FRMPD4: variants seen among roughly 807,000 people sequenced by gnomAD.
The protein encoded by FRMPD4 is FERM and PDZ domain-containing protein 4.
Under a neutral mutation model 94.1 loss-of-function variants are expected in FRMPD4, and 22 were observed. The observed-to-expected ratio is 0.23, with a 90% confidence interval of 0.17 to 0.33. FRMPD4 has a LOEUF of 0.33. Among genes scored for constraint, FRMPD4 ranks in the 10% least tolerant of loss-of-function variants. The pLI, the probability that FRMPD4 is intolerant of heterozygous loss-of-function variation, is 1.00. For missense variants in FRMPD4, 1,111 were observed against 1,339.9 expected (o/e 0.83, Z 2.67); for synonymous variants, 631 against 548.6 (o/e 1.15, Z -2.10).
intron 3 of FRMPD4, among the ~76,000 whole-genome samples, chrX:12,133,023 T>C (rs1394224075): frequency 9.1e-6 from 1 of 109,691 alleles, no homozygotes; most frequent in East Asian, 2.9e-4. Context: ...TCCAACAGTT[T>C]GATTAAAAAA....
intron 1 of FRMPD4, among the ~76,000 whole-genome samples, chrX:12,433,120 A>C (rs1289847687): frequency 8.9e-6 from 1 of 112,484 alleles, no homozygotes; most frequent in Non-Finnish European, 1.9e-5. Context: ...ACGGTTGAGC[A>C]TTCTATCTAA....
intron 1 of FRMPD4, among the ~76,000 whole-genome samples, chrX:12,451,859 TTTA>T (rs1461183228): frequency 9.1e-6 from 1 of 110,251 alleles, no homozygotes; most frequent in Non-Finnish European, 1.9e-5. Flanking sequence ...CAATAGCTAC[TTTA>T]TTTTTTCTGA....
chrX:12,585,382 A>G (rs1290055392), intron 2 of FRMPD4, among the ~76,000 whole-genome samples: 1 of 110,114 alleles, frequency 9.1e-6, no homozygotes, highest in Non-Finnish European at 1.9e-5. Context: ...CACCACACCC[A>G]GCTAATTTTT....
Position 11,978,321 on chromosome X carries a change from C to CAAAAAAAAAAAAAAA in FRMPD4, c.95+100317_95+100331dup, listed in dbSNP as rs1172824155. On this transcript the variant is annotated intron_variant, in intron 3 of 18. Transcript: ENST00000640291. ...TGGATGACAGAGTGAAACTCCATCTCAAAAAAAAAAAAAAAAAAAAAAAAA... is the reference window on the plus strand; with the variant it reads ...TGGATGACAGAGTGAAACTCCATCTCAAAAAAAAAAAAAAAAAAAAAAAAAAAAAAAAAAAAAAAA... Among the ~76,000 whole-genome samples, 27 of 16,353 alleles carry CAAAAAAAAAAAAAAA rather than the reference C, an allele frequency of 1.7e-3. 3 individuals carry two copies. Among genetic ancestry groups the CAAAAAAAAAAAAAAA allele is most frequent in the East Asian group, 2.5e-3 (1 of 406 alleles). The allele number at this position is 16,353 out of a possible 115,157, so 14.2% of individuals were successfully genotyped here.
intron 3 of FRMPD4, among the ~76,000 whole-genome samples, chrX:12,012,610 G>A (rs948004772): frequency 2.7e-5 from 3 of 111,940 alleles, no homozygotes; most frequent in Non-Finnish European, 3.8e-5. Context: ...AACCAGGAAG[G>A]CCAGACAATA....
chrX:11,846,387 A>G (rs779930800), intron 1 of FRMPD4, among the ~76,000 whole-genome samples: 2 of 111,286 alleles, frequency 1.8e-5, no homozygotes, highest in Non-Finnish European at 3.8e-5. Flanking sequence ...AAGAGGATAC[A>G]AAGAAATGGA....
chrX:11,994,515 T>C (rs929255295), intron 3 of FRMPD4, among the ~76,000 whole-genome samples: 1 of 110,821 alleles, frequency 9.0e-6, no homozygotes, highest in Non-Finnish European at 1.9e-5. Context: ...CAGGATAGAG[T>C]ACTTTTGAGG....
At chrX:12,380,171 A>G (rs1291981168) in intron 1 of FRMPD4, among the ~76,000 whole-genome samples, 1 of 112,025 alleles carries the variant, frequency 8.9e-6, no homozygotes, top group Non-Finnish European at 1.9e-5. Context: ...TTGATTATTT[A>G]ATGTTTTGTT....
chrX:12,415,996 A>G (rs934356414), intron 1 of FRMPD4, among the ~76,000 whole-genome samples: 20 of 112,405 alleles, frequency 1.8e-4, no homozygotes, highest in Admixed American at 3.8e-4. Context: ...AGATAATTTT[A>G]AAGTGAAAGA....
intron 16 of FRMPD4, among the ~76,000 whole-genome samples, chrX:12,719,219 AT>A (rs1472505875): frequency 1.8e-5 from 2 of 112,514 alleles, no homozygotes; most frequent in Non-Finnish European, 3.8e-5. Context: ...TATCAGGGAG[AT>A]TGGAGGGGTT....
intron 1 of FRMPD4, among the ~76,000 whole-genome samples, chrX:11,859,913 G>C (rs2053676229): frequency 8.9e-6 from 1 of 111,927 alleles, no homozygotes; most frequent in Non-Finnish European, 1.9e-5. Flanking sequence ...CTCTGCCCAT[G>C]CCCTTTTCTT....
chrX:12,693,215 T>C, intron 8 of FRMPD4, among the ~76,000 whole-genome samples: 1 of 112,456 alleles, frequency 8.9e-6, no homozygotes, highest in Non-Finnish European at 1.9e-5. Flanking sequence ...GTCCCCTGCA[T>C]AAGAGTATTA....
chrX:11,898,653 A>C (rs919427917), intron 3 of FRMPD4, among the ~76,000 whole-genome samples: 2 of 112,431 alleles, frequency 1.8e-5, no homozygotes, highest in African/African-American at 6.5e-5. Context: ...AATATATACA[A>C]TTATGACTTG....
At chrX:11,830,520 TTTTGAATCTGAG>T (rs1194300645) in intron 1 of FRMPD4, among the ~76,000 whole-genome samples, 3 of 112,141 alleles carry the variant, frequency 2.7e-5, no homozygotes, top group African/African-American at 9.7e-5. Context: ...CTACAGCACT[TTTTGAATCTGAG>T]TTTGATGTTG....
chrX:11,825,255 C>T (rs1030057148), intron 1 of FRMPD4, among the ~76,000 whole-genome samples: 4 of 100,852 alleles, frequency 4.0e-5, no homozygotes, highest in Admixed American at 3.3e-4. Flanking sequence ...TCACTCATCT[C>T]GTGCCTAATT....
chrX:11,855,884 T>A (rs1355479220), intron 1 of FRMPD4, among the ~76,000 whole-genome samples: 2 of 112,249 alleles, frequency 1.8e-5, no homozygotes, highest in Non-Finnish European at 3.8e-5. Flanking sequence ...ACTTCCACAT[T>A]TTTGGATTTC....
chrX:11,987,280 T>C (rs760042051), intron 3 of FRMPD4, among the ~76,000 whole-genome samples: 1 of 110,297 alleles, frequency 9.1e-6, no homozygotes, highest in East Asian at 2.8e-4. Flanking sequence ...GACAAATAAG[T>C]CAGGTGATAC....
chrX:11,995,413 A>C (rs2054491286), intron 3 of FRMPD4, among the ~76,000 whole-genome samples: 1 of 109,454 alleles, frequency 9.1e-6, no homozygotes, highest in Non-Finnish European at 1.9e-5. Context: ...AATCGTTCCC[A>C]CTCTTGCTTG....
intron 1 of FRMPD4, among the ~76,000 whole-genome samples, chrX:12,261,842 A>G (rs1348298046): frequency 8.9e-6 from 1 of 112,102 alleles, no homozygotes; most frequent in Non-Finnish European, 1.9e-5. Flanking sequence ...TCAAAAGCAC[A>G]AATGTCAATA....
Sources: allele counts gnomAD v4.1 joint callset (sites outside exome capture counted in the v4.1 genomes callset), GRCh38; gene constraint gnomAD v4.1.1; transcripts MANE v1.5; gene names NCBI Gene and HGNC (gene_info 2026-07-23, HGNC 2026-07-21).